Variants in MYO10 observed in about 807,000 individuals in gnomAD.
MYO10 encodes the protein myosin X.
A neutral mutation model predicts 257.3 loss-of-function variants in MYO10; 133 were observed. The observed-to-expected ratio is 0.52, with a 90% CI of 0.45 to 0.60. MYO10 has a LOEUF of 0.60. Among genes scored for constraint, MYO10 ranks in the 20% least tolerant of loss-of-function variants. The pLI, the probability that MYO10 is intolerant of heterozygous loss-of-function variation, is 0.00. For missense variants in MYO10, 2,399 were observed against 2,635.7 expected (o/e 0.91, Z 1.97); for synonymous variants, 1,104 against 1,028.6 (o/e 1.07, Z -1.40).
intron 1 of MYO10, among the ~76,000 whole-genome samples, chr5:16,911,113 G>A (rs1745646071): frequency 6.6e-6 from 1 of 152,054 alleles, no homozygotes; most frequent in African/African-American, 2.4e-5. Flanking sequence ...GACCAGCCTG[G>A]GCAACATGGC....
intron 17 of MYO10, among the ~76,000 whole-genome samples, chr5:16,760,842 C>T (rs1486680712): frequency 1.3e-5 from 2 of 152,096 alleles, no homozygotes; most frequent in African/African-American, 4.8e-5. Flanking sequence ...AGTCACTTAA[C>T]AGCTTTAACT....
intron 11 of MYO10, 41 bp downstream of exon 11, chr5:16,766,039 A>T (rs993112413): frequency 7.0e-7 from 1 of 1,424,476 alleles, no homozygotes; most frequent in Non-Finnish European, 9.9e-7. Flanking sequence ...AAAACCCAGG[A>T]GTGTCTAGTA....
chr5:16,706,761 AAAAT>A (rs1042960378), intron 21 of MYO10, among the ~76,000 whole-genome samples: 2 of 152,222 alleles, frequency 1.3e-5, no homozygotes, highest in Admixed American at 6.5e-5. Context: ...GACAGCTCTC[AAAAT>A]AAATAAATAA....
At chr5:16,926,076 G>A (rs185500025) in intron 1 of MYO10, among the ~76,000 whole-genome samples, 39 of 152,174 alleles carry the variant, frequency 2.6e-4, no homozygotes, top group Non-Finnish European at 4.6e-4. Context: ...TTAAGGTAAT[G>A]GATATCCCAA....
chr5:16,734,349 AC>A (rs1453310604), intron 19 of MYO10, among the ~76,000 whole-genome samples: 1 of 152,124 alleles, frequency 6.6e-6, no homozygotes, highest in Non-Finnish European at 1.5e-5. Flanking sequence ...CCCCACGCCT[AC>A]CCCAAAATGA....
chr5:16,675,004 C>A lies in MYO10; in HGVS notation c.4813G>T (p.Glu1605Ter). 6.2e-7 allele frequency: 1 copy of A among 1,613,972 alleles called. No individual in the cohort carries two copies. Among genetic ancestry groups the A allele is most frequent in the Non-Finnish European group, 8.5e-7 (1 of 1,179,896 alleles). ...TGHDLRPLRD[E>*]LYCQLIKQTN... ...TGTTTGATAAGCTGGCAGTACAGCT[C>A]GTCCCGCAGAGGTCGCAGGTCATGC... Residue 1605 changes from glutamate to a stop codon, truncating the protein, a stop_gained, in exon 35 of 41, where the codon GAG becomes TAG. Transcript: ENST00000513610. LOFTEE classifies it high-confidence loss of function.
intron 1 of MYO10, among the ~76,000 whole-genome samples, chr5:16,893,432 G>C (rs1745126095): frequency 1.3e-5 from 2 of 151,776 alleles, no homozygotes; most frequent in Admixed American, 6.6e-5. Context: ...TCAGGAGTTT[G>C]AGACCAGCCT....
At chr5:16,878,046 C>T (rs1309542142) in intron 1 of MYO10, among the ~76,000 whole-genome samples, 5 of 152,154 alleles carry the variant, frequency 3.3e-5, no homozygotes, top group Non-Finnish European at 5.9e-5. Context: ...AGATGGAGAA[C>T]CAGAGGCCTA....
intron 28 of MYO10, among the ~76,000 whole-genome samples, chr5:16,687,948 T>C (rs1318036972): frequency 6.6e-6 from 1 of 152,238 alleles, no homozygotes; most frequent in East Asian, 1.9e-4. Flanking sequence ...AAATTTCTTC[T>C]CTTGAATCAA....
At chr5:16,849,110 G>A (rs909771537) in intron 2 of MYO10, among the ~76,000 whole-genome samples, 5 of 152,038 alleles carry the variant, frequency 3.3e-5, no homozygotes, top group African/African-American at 4.8e-5. Flanking sequence ...TATGAGCCAC[G>A]GCGCCTGGCA....
chr5:16,719,994 G>A (rs928585702), intron 19 of MYO10, among the ~76,000 whole-genome samples: 1 of 125,796 alleles, frequency 7.9e-6, no homozygotes, highest in African/African-American at 5.3e-5. Context: ...GCGTGCGTGT[G>A]TGTGTGTGTG....
chr5:16,926,598 A>G (rs1746138783), intron 1 of MYO10, among the ~76,000 whole-genome samples: 1 of 151,944 alleles, frequency 6.6e-6, no homozygotes, highest in African/African-American at 2.4e-5. Context: ...GCTACGTGGG[A>G]GGCTGAGGCA....
intron 1 of MYO10, among the ~76,000 whole-genome samples, chr5:16,893,210 A>AAAAAAAAAAAAAAAAAAAAAAAC (rs1745117578): frequency 6.7e-6 from 1 of 150,204 alleles, no homozygotes; most frequent in Non-Finnish European, 1.5e-5. Flanking sequence ...AAAAAAAAAA[A>AAAAAAAAAAAAAAAAAAAAAAAC]AAAAAGAACT....
chr5:16,893,985 G>A (rs1398865638), intron 1 of MYO10, among the ~76,000 whole-genome samples: 1 of 152,170 alleles, frequency 6.6e-6, no homozygotes, highest in African/African-American at 2.4e-5. Context: ...TGGTGGCATT[G>A]TCATTAAGTT....
At chr5:16,909,610 C>CT (rs1199095250) in intron 1 of MYO10, among the ~76,000 whole-genome samples, 1 of 151,922 alleles carries the variant, frequency 6.6e-6, no homozygotes, top group African/African-American at 2.4e-5. Context: ...TTACCTTCCA[C>CT]TGGGTCCCTC....
intron 14 of MYO10, 28 bp from the exon 15 acceptor site, chr5:16,762,665 T>A: frequency 6.6e-7 from 1 of 1,524,900 alleles, no homozygotes; most frequent in Non-Finnish European, 8.9e-7. Flanking sequence ...AAAAATGAAT[T>A]AAAAGTTGAA....
At chr5:16,766,336 A>T in intron 10 of MYO10, 138 bp from the exon 11 acceptor site, 1 of 672,700 alleles carries the variant, frequency 1.5e-6, no homozygotes, top group Non-Finnish European at 2.6e-6. Flanking sequence ...TAAGTTACTC[A>T]TTCCCTTAGT....
intron 17 of MYO10, 79 bp from the exon 18 acceptor site, chr5:16,758,305 C>G (rs1200854501): frequency 4.0e-6 from 4 of 990,148 alleles, no homozygotes; most frequent in Non-Finnish European, 6.5e-6. Flanking sequence ...TTAATGGTGC[C>G]CTTTCTCAAT....
chr5:16,837,139 C>T (rs1486727087), intron 2 of MYO10, among the ~76,000 whole-genome samples: 1 of 152,004 alleles, frequency 6.6e-6, no homozygotes, highest in African/African-American at 2.4e-5. Flanking sequence ...GGAGAAACCC[C>T]ATCTCTACTA....
Sources: allele counts gnomAD v4.1 joint callset (sites outside exome capture counted in the v4.1 genomes callset), GRCh38; gene constraint gnomAD v4.1.1; transcripts MANE v1.5; gene names NCBI Gene and HGNC (gene_info 2026-07-23, HGNC 2026-07-21).